SLC26A9: variants seen among roughly 807,000 people sequenced by gnomAD.
SLC26A9 encodes anion transporter/exchanger protein 9.
SLC26A9 carries 46 observed loss-of-function variants against 87.1 expected under a neutral mutation model. The ratio of observed to expected loss-of-function variants is 0.53; its 90% CI spans 0.42 to 0.67. The LOEUF (loss-of-function observed/expected upper bound fraction) is 0.67. SLC26A9 is among the 30% of genes least tolerant of loss of function. SLC26A9 has a pLI of 0.00. For synonymous variants in SLC26A9, 437 were observed against 409.1 expected (o/e 1.07, Z -0.82); for missense variants, 927 against 1,018.3 (o/e 0.91, Z 1.22).
Position 205,935,727 on chromosome 1 carries a change from G to T in SLC26A9, c.94C>A (p.Pro32Thr). The change falls in exon 2 of 21, where the codon CCA becomes ACA. Residue 32 changes from proline (P) to threonine (T), a missense_variant. Transcript: ENST00000367135. ...DEFEKKDRTY[P>T]VGEKLRNAFR... ...GCATTGCGAAGTTTCTCTCCCACTG[G>T]GTATGTCCGGTCCTTCTTCTCAAAC... The T allele has an allele frequency of 6.2e-7, 1 of 1,614,006 alleles. No individual in the cohort carries two copies. Among genetic ancestry groups the T allele is most frequent in the South Asian group, 1.1e-5 (1 of 91,080 alleles).
At chr1:205,923,990 C>T (rs1327459198) in intron 13 of SLC26A9, among the ~76,000 whole-genome samples, 1 of 152,168 alleles carries the variant, frequency 6.6e-6, no homozygotes, top group African/African-American at 2.4e-5. Flanking sequence ...TGTAATACTC[C>T]CAGTGTGTAG....
intron 1 of SLC26A9, among the ~76,000 whole-genome samples, chr1:205,936,399 A>G (rs1659509542): frequency 1.3e-5 from 2 of 152,184 alleles, no homozygotes; most frequent in East Asian, 1.9e-4. Context: ...CAGGGGGACA[A>G]TGGTGTGTGT....
chr1:205,922,458 G>A (rs1043824203), intron 16 of SLC26A9, among the ~76,000 whole-genome samples: 1 of 152,188 alleles, frequency 6.6e-6, no homozygotes, highest in African/African-American at 2.4e-5. Context: ...TGCTAGCCCT[G>A]GGCTGCCTGG....
rs200286292 is a variant in SLC26A9, at chr1:205,920,197, C to T, written c.2089G>A (p.Val697Ile). ...SSTYGKIGVK[V>I]FLVNIHAQVY... ...TTACCATGGATGTTCACCAAGAAGA[C>T]CTTCACGCCGATCTTCCCATAGGTG... The change falls in exon 18 of 21, where the codon GTC becomes ATC. Residue 697 changes from valine (V) to isoleucine (I), a missense_variant. Transcript: ENST00000367135. The T allele has an allele frequency of 2.5e-5, 40 of 1,614,088 alleles. 1 individual carries two copies. In the East Asian group the frequency reaches 8.2e-4, roughly 33 times the overall value.
chr1:205,923,385 G>T lies in SLC26A9; in HGVS notation c.1609C>A (p.Pro537Thr). The T allele has an allele frequency of 6.2e-7, 1 of 1,614,182 alleles. No individual in the cohort carries two copies. Among genetic ancestry groups the T allele is most frequent in the Non-Finnish European group, 8.5e-7 (1 of 1,180,030 alleles). The change falls in exon 15 of 21, where the codon CCT (proline) becomes ACT (threonine). Residue 537 changes from proline to threonine, a missense_variant. By Grantham distance (38) the Pro-to-Thr change is conservative. Transcript: ENST00000367135. ...ATCTCTGAGTTGGCAAAGTAGAGAG[G>T]GGAGCAGTACGTGATGATTTTAATC... ...QGIKIITYCS[P>T]LYFANSEIFR...
intron 12 of SLC26A9, chr1:205,924,735 C>T: frequency 2.1e-6 from 1 of 466,942 alleles, no homozygotes; most frequent in Non-Finnish European, 3.9e-6. Context: ...CCCCAGCACA[C>T]AGGGAGGTGG....
At chr1:205,923,033 A>G in intron 16 of SLC26A9, 49 bp downstream of exon 16, 1 of 1,560,716 alleles carries the variant, frequency 6.4e-7, no homozygotes, top group Non-Finnish European at 8.8e-7. Flanking sequence ...GGGCAGTATC[A>G]GAATGGGCAG....
intron 5 of SLC26A9, among the ~76,000 whole-genome samples, chr1:205,930,511 T>G (rs1659261308): frequency 6.6e-6 from 1 of 152,136 alleles, no homozygotes; most frequent in Non-Finnish European, 1.5e-5. Context: ...TGCCTGGGCC[T>G]CTGCAGAGTC....
At chr1:205,926,235 C>T (rs781217353) in intron 12 of SLC26A9, among the ~76,000 whole-genome samples, 7 of 152,118 alleles carry the variant, frequency 4.6e-5, no homozygotes, top group Non-Finnish European at 8.8e-5. Flanking sequence ...TATTACCTTG[C>T]TTCTTCTTCA....
At chr1:205,926,355 T>C (rs1415670249) in intron 12 of SLC26A9, among the ~76,000 whole-genome samples, 180 bp downstream of exon 12, 1 of 152,222 alleles carries the variant, frequency 6.6e-6, no homozygotes, top group East Asian at 1.9e-4. Flanking sequence ...AGCAGATGGC[T>C]GAGTTAGGGT....
At position 205,913,981 on chromosome 1, in the gene SLC26A9, C is replaced by T. The variant is rs1658473348; in HGVS notation, c.*1376G>A. Reference sequence around the variant, plus strand: ...GCTTGAGAAAAGCAGTGATGAGAGGCCAGAAGATTTTCTGTGCATTTCCAC... The same window carrying T: ...GCTTGAGAAAAGCAGTGATGAGAGGTCAGAAGATTTTCTGTGCATTTCCAC... On this transcript the variant is annotated 3_prime_UTR_variant, in exon 21 of 21. Coordinates refer to ENST00000367135, the MANE Select transcript of SLC26A9 (RefSeq NM_052934.4). 1 of 152,154 alleles carries T rather than the reference C, an allele frequency of 6.6e-6. No individual in the cohort carries two copies. The highest frequency in any genetic ancestry group is 1.5e-5 in the Non-Finnish European group (1 of 68,014). The allele number at this position is 152,154 out of a possible 1,614,324, so 9.4% of individuals were successfully genotyped here.
chr1:205,917,619 A>G (rs1452018641), intron 19 of SLC26A9, among the ~76,000 whole-genome samples: 14 of 151,914 alleles, frequency 9.2e-5, no homozygotes. Flanking sequence ...GCTTAGAAAA[A>G]CTATTGGCTA....
intron 11 of SLC26A9, 87 bp downstream of exon 11, chr1:205,927,124 T>C: frequency 1.4e-6 from 2 of 1,386,304 alleles, no homozygotes; most frequent in Non-Finnish European, 2.0e-6. Context: ...CAGTGGCACT[T>C]TGTGGTCCGT....
chr1:205,923,660 A>G (rs775110769), intron 13 of SLC26A9, 47 bp from the exon 14 acceptor site: 7 of 1,610,160 alleles, frequency 4.3e-6, no homozygotes, highest in African/African-American at 1.3e-5. Context: ...CTAATGGCAC[A>G]TGGGCCTGGA....
At chr1:205,940,582 CT>C (rs949586237) in intron 1 of SLC26A9, among the ~76,000 whole-genome samples, 2 of 152,174 alleles carry the variant, frequency 1.3e-5, no homozygotes, top group East Asian at 1.9e-4. Flanking sequence ...GGCACTCTGC[CT>C]TTTTTTGGCT....
intron 9 of SLC26A9, 54 bp downstream of exon 9, chr1:205,927,848 C>T: frequency 6.3e-7 from 1 of 1,585,890 alleles, no homozygotes; most frequent in Admixed American, 1.7e-5. Context: ...ATATGTCATG[C>T]CAGGCCTGAG....
chr1:205,926,690 C>T lies in SLC26A9; in HGVS notation c.1294-60G>A, dbSNP rs545519634. On this transcript the variant is annotated intron_variant, in intron 11 of 20. Transcript: ENST00000367135. ...GTCTCCCCTTCTTTTTGCCCTCCTG[C>T]GCATACCCGACCCCAAGGCCTGGCA... 1,365 of 1,409,078 alleles carry T rather than the reference C, an allele frequency of 9.7e-4. 4 individuals are homozygous for T. The highest frequency in any genetic ancestry group is 1.2e-3 in the Non-Finnish European group (1,183 of 996,688). The allele number at this position is 1,409,078 out of a possible 1,614,324, so 87.3% of individuals were successfully genotyped here. A position where few individuals can be genotyped will look rare whatever the true frequency, so the allele number is the denominator to read the frequency against.
At chr1:205,933,204 G>C (rs1659378525) in intron 2 of SLC26A9, 120 bp from the exon 3 acceptor site, 4 of 1,394,264 alleles carry the variant, frequency 2.9e-6, no homozygotes, top group Admixed American at 2.0e-5. Context: ...TCACTGAACT[G>C]TGTGCCAGGG....
chr1:205,932,670 C>T lies in SLC26A9; in HGVS notation c.376+32G>A, dbSNP rs751916409. The T allele has an allele frequency of 2.7e-5, 41 of 1,510,646 alleles. No individual in the cohort carries two copies. The South Asian group carries it at 4.4e-4, about 16-fold the overall frequency. The allele number at this position is 1,510,646 out of a possible 1,614,324, so 93.6% of individuals were successfully genotyped here. A position where few individuals can be genotyped will look rare whatever the true frequency, so the allele number is the denominator to read the frequency against. The stretch of plus-strand genomic sequence containing the variant: ...CACCTCCCATCCTTGGGGTCTGGGT[C>T]ATCCTGCCTGCCCAGAGGGGAGAGG... On this transcript the variant is annotated intron_variant, in intron 4 of 20. Transcript: ENST00000367135.
Sources: gnomAD v4.1 joint callset for allele counts (sites outside exome capture counted in the v4.1 genomes callset) on GRCh38, gnomAD v4.1.1 for gene constraint, MANE v1.5 for transcripts, NCBI Gene and HGNC (gene_info 2026-07-23, HGNC 2026-07-21) for gene names.